The following ZNF592 variants were observed in gnomAD, a reference collection of about 807,000 sequenced individuals.
ZNF592 encodes the protein spinocerebellar ataxia, autosomal recessive 5.
A neutral mutation model predicts 80.3 loss-of-function variants in ZNF592; 11 were observed. The observed-to-expected ratio is 0.14, with a 90% CI of 0.09 to 0.23. The LOEUF is 0.23. Among genes scored for constraint, ZNF592 ranks in the 10% least tolerant of loss-of-function variants. ZNF592 has a pLI of 1.00. For synonymous variants in ZNF592, 646 were observed against 640.3 expected, an observed-to-expected ratio of 1.01 and a Z score of -0.13; for missense variants, 1,420 against 1,633.9, an observed-to-expected ratio of 0.87 and a Z score of 2.26.
chr15:84,770,623 C>G (rs1899670903), intron 2 of ZNF592, among the ~76,000 whole-genome samples: 1 of 151,860 alleles, frequency 6.6e-6, no homozygotes, highest in Non-Finnish European at 1.5e-5. Context: ...CTCTCTGAGC[C>G]TCAGTTCTCC....
At chr15:84,753,990 G>A (rs113356729) in intron 1 of ZNF592, among the ~76,000 whole-genome samples, 2 of 152,248 alleles carry the variant, frequency 1.3e-5, no homozygotes, top group African/African-American at 4.8e-5. Context: ...TTACTTTTGG[G>A]AAATGTTTTC....
intron 1 of ZNF592, among the ~76,000 whole-genome samples, chr15:84,759,961 C>G (rs960867935): frequency 1.7e-4 from 8 of 48,402 alleles, no homozygotes; most frequent in African/African-American, 5.2e-4. Flanking sequence ...GATTCCCCCC[C>G]CCCCCACCCT....
chr15:84,776,454 A>G (rs1458558233), intron 2 of ZNF592, among the ~76,000 whole-genome samples: 1 of 152,198 alleles, frequency 6.6e-6, no homozygotes, highest in East Asian at 1.9e-4. Context: ...TGCTTTAAGA[A>G]TTTTACATTA....
chr15:84,797,846 C>T (rs758969361), intron 5 of ZNF592, 23 bp from the exon 6 acceptor site: 1 of 1,614,164 alleles, frequency 6.2e-7, no homozygotes, highest in South Asian at 1.1e-5. Flanking sequence ...CACCCACACT[C>T]ACACTACCCC....
In ZNF592 at chr15:84,797,917, C is replaced by G. The variant is rs1455565394; in HGVS notation, c.2448C>G (p.Ser816Arg). The G allele has an allele frequency of 6.2e-7, 1 of 1,614,138 alleles. No individual in the cohort carries two copies. The highest frequency in any genetic ancestry group is 8.5e-7 in the Non-Finnish European group (1 of 1,180,058). The change falls in exon 6 of 11, where the codon AGC (serine) becomes AGG (arginine). Residue 816 changes from serine (S) to arginine (R), a missense_variant. By Grantham distance (110) the Ser-to-Arg change is moderately radical. Transcript: ENST00000560079. ...VVHLTLALLK[S>R]HIQERHCQVF... Reference sequence around the variant, plus strand: ...ACCTGACCTTGGCCTTGCTGAAAAGCCACATCCAGGAGCGACACTGCCAGG... The same window carrying G: ...ACCTGACCTTGGCCTTGCTGAAAAGGCACATCCAGGAGCGACACTGCCAGG...
chr15:84,796,239 AATATATAT>A (rs1285421952), intron 5 of ZNF592, among the ~76,000 whole-genome samples: 2 of 33,324 alleles, frequency 6.0e-5, no homozygotes, highest in African/African-American at 4.2e-4. Context: ...AAAAAAAAAA[AATATATAT>A]ATATATATAT....
intron 1 of ZNF592, among the ~76,000 whole-genome samples, chr15:84,764,048 T>G (rs1899426966): frequency 6.6e-6 from 1 of 152,198 alleles, no homozygotes; most frequent in African/African-American, 2.4e-5. Context: ...TGTGCTGACC[T>G]CTTCCTACAC....
chr15:84,759,128 TA>T (rs1469527366), intron 1 of ZNF592, among the ~76,000 whole-genome samples: 1 of 152,108 alleles, frequency 6.6e-6, no homozygotes, highest in African/African-American at 2.4e-5. Context: ...CAGTTGCTTA[TA>T]AAAGCAACTG....
At chr15:84,755,365 C>G (rs1014092554) in intron 1 of ZNF592, among the ~76,000 whole-genome samples, 1 of 151,984 alleles carries the variant, frequency 6.6e-6, no homozygotes, top group African/African-American at 2.4e-5. Flanking sequence ...CTCCTGGGCT[C>G]AAGCAATCCT....
chr15:84,798,165 C>T lies in ZNF592; in HGVS notation c.2576+120C>T, dbSNP rs1024123863. 6.2e-5 allele frequency: 96 copies of T among 1,557,944 alleles called. No individual in the cohort carries two copies. Among genetic ancestry groups the T allele is most frequent in the Non-Finnish European group, 7.7e-5 (88 of 1,142,130 alleles). On this transcript the variant is annotated intron_variant, in intron 6 of 10. Transcript: ENST00000560079. This position sits in a 1 kb window ranked among gnomAD's most constrained non-coding sequence, Gnocchi z 4.5. ...GGTTAGTGGCAGAGGTGCCTGGGGT[C>T]GTACTAAGGATGTCCTGAGGCAGGG...
chr15:84,778,780 G>A (rs1031753244), intron 3 of ZNF592, among the ~76,000 whole-genome samples: 1 of 152,212 alleles, frequency 6.6e-6, no homozygotes, highest in Non-Finnish European at 1.5e-5. Flanking sequence ...ATGGAGAACA[G>A]CAGCTAGGGC....
chr15:84,764,868 A>C (rs188996462), intron 2 of ZNF592, 53 bp downstream of exon 2: 1 of 396,360 alleles, frequency 2.5e-6, no homozygotes, highest in Non-Finnish European at 4.4e-6. Flanking sequence ...GAGTTTGAAC[A>C]TGAGATTTTT....
chr15:84,793,886 C>T (rs987805760), intron 5 of ZNF592, among the ~76,000 whole-genome samples: 1 of 152,106 alleles, frequency 6.6e-6, no homozygotes, highest in Non-Finnish European at 1.5e-5. Context: ...TTTTGTTTAT[C>T]CATTTGTCAG....
At chr15:84,789,606 CTT>C (rs1247942810) in intron 4 of ZNF592, among the ~76,000 whole-genome samples, 1 of 152,200 alleles carries the variant, frequency 6.6e-6, no homozygotes, top group Admixed American at 6.5e-5. Context: ...ATTTTCTGTT[CTT>C]TCAAATAGTA....
rs1265552283 is a variant in ZNF592 at position 84,803,032 on chromosome 15, C to CGA, written c.*639_*640insGA. On this transcript the variant is annotated 3_prime_UTR_variant, in exon 11 of 11. Transcript: ENST00000560079. ...TGGGAGAAACCTCTGCTGCACACCT[C>CGA]TGTTTGGAACCTGGGCAGAGCAGGA... 1.3e-5 allele frequency: 2 copies of CGA among 153,542 alleles called. No individual in the cohort carries two copies. The highest frequency in any genetic ancestry group is 4.8e-5 in the African/African-American group (2 of 41,424). The allele number at this position is 153,542 out of a possible 1,614,324, so 9.5% of individuals were successfully genotyped here.
chr15:84,798,813 T>G lies in ZNF592; in HGVS notation c.2962T>G (p.Cys988Gly), dbSNP rs1596135277. 6.2e-7 allele frequency: 1 copy of G among 1,600,546 alleles called. No homozygotes were observed. The highest frequency in any genetic ancestry group is 8.5e-7 in the Non-Finnish European group (1 of 1,179,574). The change falls in exon 8 of 11, where the codon TGC (cysteine) becomes GGC (glycine). Residue 988 changes from cysteine to glycine, a missense_variant. By Grantham distance (159) the Cys-to-Gly change is radical. Coordinates refer to ENST00000560079, the MANE Select transcript of ZNF592 (RefSeq NM_014630.3). This position sits in a 1 kb window ranked among gnomAD's most constrained non-coding sequence, Gnocchi z 4.5. ...LRNTGWTCQE[C>G]QEWVPDRESY... is the part of the protein sequence containing the mutation. The stretch of plus-strand genomic sequence containing the variant: ...GAACACTGGCTGGACCTGCCAGGAG[T>G]GCCAGGAGTGGGTTCCAGATCGGGA...
At chr15:84,776,727 G>C (rs868779137) in intron 2 of ZNF592, among the ~76,000 whole-genome samples, 11 of 152,206 alleles carry the variant, frequency 7.2e-5, no homozygotes, top group African/African-American at 2.7e-4. Flanking sequence ...CTGCACTCCA[G>C]CCTGGGTGAC....
intron 2 of ZNF592, among the ~76,000 whole-genome samples, chr15:84,767,668 C>T (rs1899569423): frequency 6.6e-6 from 1 of 151,966 alleles, no homozygotes; most frequent in Non-Finnish European, 1.5e-5. Flanking sequence ...CTGCCTATGC[C>T]TAGTTTCTGC....
In ZNF592 at chr15:84,798,873, C is replaced by G; in HGVS notation, c.3022C>G (p.Arg1008Gly). ...YVSHMKKSHG[R>G]TLKRYPCRQC... Reference sequence around the variant, plus strand: ...GTCCCACATGAAAAAGAGCCACGGTCGGGTAAGTGCAGCCACACAGTCATA... The same window carrying G: ...GTCCCACATGAAAAAGAGCCACGGTGGGGTAAGTGCAGCCACACAGTCATA... Residue 1008 changes from arginine (R) to glycine (G), a missense_variant and splice_region_variant, in exon 8 of 11, where the codon CGG (arginine) becomes GGG (glycine). Arg to Gly is a moderately radical substitution (Grantham distance 125). Transcript: ENST00000560079. The surrounding 1 kb of genome is among the most constrained non-coding windows in gnomAD (Gnocchi z 4.5). 1 of 1,597,762 alleles carries G rather than the reference C, an allele frequency of 6.3e-7. No homozygotes were observed. Among genetic ancestry groups the G allele is most frequent in the Non-Finnish European group, 8.5e-7 (1 of 1,179,536 alleles).
Sources: allele counts gnomAD v4.1 joint callset (sites outside exome capture counted in the v4.1 genomes callset), GRCh38; gene constraint gnomAD v4.1.1; non-coding constraint Gnocchi (gnomAD v3.1); transcripts MANE v1.5; gene names NCBI Gene and HGNC (gene_info 2026-07-23, HGNC 2026-07-21).